Variants in NUP210L observed in about 807,000 individuals in gnomAD.
NUP210L encodes the protein nuclear pore membrane glycoprotein 210-like.
NUP210L carries 74 observed loss-of-function variants against 208.5 expected under a neutral mutation model. The ratio of observed to expected loss-of-function variants is 0.35; its 90% CI spans 0.29 to 0.43. The LOEUF (loss-of-function observed/expected upper bound fraction) is 0.43. NUP210L is among the 20% of genes least tolerant of loss of function. NUP210L has a pLI of 1.00. For missense variants in NUP210L, 1,843 were observed against 2,289.4 expected, an observed-to-expected ratio of 0.81 and a Z score of 3.98; for synonymous variants, 780 against 816.9, an observed-to-expected ratio of 0.95 and a Z score of 0.77.
chr1:154,074,486 C>A, intron 16 of NUP210L, among the ~76,000 whole-genome samples: 1 of 146,236 alleles, frequency 6.8e-6, no homozygotes, highest in South Asian at 2.2e-4. Context: ...TATGGGATCA[C>A]GATTTTTTTT....
intron 12 of NUP210L, among the ~76,000 whole-genome samples, chr1:154,114,875 T>A (rs992546457): frequency 6.6e-5 from 10 of 151,758 alleles, no homozygotes; most frequent in Admixed American, 2.0e-4. Context: ...TGGGATTACA[T>A]GTGTAAGCCA....
chr1:153,999,508 C>T (rs1041286905), intron 37 of NUP210L, among the ~76,000 whole-genome samples: 16 of 152,178 alleles, frequency 1.1e-4, no homozygotes, highest in African/African-American at 3.9e-4. Context: ...GAGGCCAAGG[C>T]GGGTGGATCA....
At chr1:154,123,281 G>A (rs764277510) in intron 10 of NUP210L, among the ~76,000 whole-genome samples, 1 of 152,034 alleles carries the variant, frequency 6.6e-6, no homozygotes, top group Non-Finnish European at 1.5e-5. Context: ...GAGTATCCGG[G>A]ATTATAGGCA....
intron 13 of NUP210L, among the ~76,000 whole-genome samples, chr1:154,101,947 C>T (rs1571273963): frequency 6.6e-6 from 1 of 152,144 alleles, no homozygotes; most frequent in Middle Eastern, 3.4e-3. Flanking sequence ...GTCAGGAGTT[C>T]CACACCAGCC....
At chr1:154,062,567 C>CTTTTTTTTTTTTTTTTTTTTTTT (rs34499821) in intron 17 of NUP210L, among the ~76,000 whole-genome samples, 19 of 74,976 alleles carry the variant, frequency 2.5e-4, no homozygotes, top group African/African-American at 3.3e-4. Context: ...TTTCTTTTTC[C>CTTTTTTTTTTTTTTTTTTTTTTT]TTTTTTTTTT....
chr1:154,147,153 AC>A (rs1659158897), intron 2 of NUP210L, among the ~76,000 whole-genome samples: 1 of 152,170 alleles, frequency 6.6e-6, no homozygotes, highest in African/African-American at 2.4e-5. Context: ...GACAGATACC[AC>A]CACCTTAACC....
chr1:154,107,047 A>T (rs1479693479), intron 12 of NUP210L, among the ~76,000 whole-genome samples: 2 of 152,246 alleles, frequency 1.3e-5, no homozygotes, highest in Non-Finnish European at 2.9e-5. Context: ...TCCTGGAGTG[A>T]CAGAGCTATA....
At chr1:154,061,903 G>A (rs575206615) in intron 17 of NUP210L, among the ~76,000 whole-genome samples, 3 of 151,990 alleles carry the variant, frequency 2.0e-5, no homozygotes, top group South Asian at 2.1e-4. Flanking sequence ...ATGTGATCTC[G>A]GCTTACCACA....
exon 14 of NUP210L, chr1:154,100,127 T>A: frequency 6.2e-7 from 1 of 1,614,096 alleles, no homozygotes; most frequent in Non-Finnish European, 8.5e-7. Flanking sequence ...AATGCATTGG[T>A]CCAGGTCTTT....
At chr1:154,069,379 TG>T (rs767879392) in intron 17 of NUP210L, among the ~76,000 whole-genome samples, 1 of 152,034 alleles carries the variant, frequency 6.6e-6, no homozygotes, top group African/African-American at 2.4e-5. Flanking sequence ...CATCAAAAAG[TG>T]GGCAAAGGAT....
At chr1:154,085,212 T>G (rs1267240211) in intron 16 of NUP210L, among the ~76,000 whole-genome samples, 1 of 149,714 alleles carries the variant, frequency 6.7e-6, no homozygotes. Flanking sequence ...TAGCCAGGCT[T>G]GGTAGTGGGC....
exon 25 of NUP210L, chr1:154,054,325 C>T (rs1218270896): frequency 6.2e-7 from 1 of 1,614,222 alleles, no homozygotes; most frequent in Non-Finnish European, 8.5e-7. Flanking sequence ...AACTTGCCCC[C>T]TCCTATTAAC....
chr1:154,115,827 A>ATGGGGC (rs1307223125), intron 12 of NUP210L, among the ~76,000 whole-genome samples: 12 of 152,174 alleles, frequency 7.9e-5, no homozygotes, highest in Middle Eastern at 6.8e-3. Context: ...TATATTAAAA[A>ATGGGGC]TGGGGCTGGG....
chr1:154,004,074 TG>T (rs201598540), intron 35 of NUP210L, among the ~76,000 whole-genome samples: 1,625 of 148,498 alleles, frequency 0.011, 77 homozygotes, highest in African/African-American at 0.034. Context: ...GCCTGTTTTT[TG>T]TTTTTTTTTT....
intron 37 of NUP210L, among the ~76,000 whole-genome samples, chr1:153,997,911 TG>T (rs757586483): frequency 6.6e-6 from 1 of 151,900 alleles, no homozygotes; most frequent in Non-Finnish European, 1.5e-5. Context: ...GGTTTCACCA[TG>T]TTGGCCAGGC....
intron 37 of NUP210L, among the ~76,000 whole-genome samples, chr1:153,997,484 T>C (rs933540193): frequency 2.0e-5 from 3 of 148,372 alleles, no homozygotes; most frequent in Admixed American, 6.8e-5. Context: ...TTTTTTTTTT[T>C]CCTGAAACAG....
At chr1:154,025,097 T>A (rs1244191012) in intron 30 of NUP210L, among the ~76,000 whole-genome samples, 1 of 151,182 alleles carries the variant, frequency 6.6e-6, no homozygotes, top group Admixed American at 6.6e-5. Flanking sequence ...CCCAGCTAAT[T>A]TTTTGTATTT....
intron 31 of NUP210L, 41 bp from the exon 32 acceptor site, chr1:154,022,384 C>T (rs747800251): frequency 1.3e-6 from 2 of 1,525,124 alleles, no homozygotes; most frequent in African/African-American, 1.4e-5. Flanking sequence ...TAAAAAGAGA[C>T]AATAGTTAGA....
chr1:154,025,030 G>T (rs1045013461), intron 30 of NUP210L, among the ~76,000 whole-genome samples: 4 of 147,428 alleles, frequency 2.7e-5, no homozygotes, highest in East Asian at 2.0e-4. Flanking sequence ...CGGGGTTCAC[G>T]GCATTCTCCT....
Sources: gnomAD v4.1 joint callset for allele counts (sites outside exome capture counted in the v4.1 genomes callset) on GRCh38, gnomAD v4.1.1 for gene constraint, MANE v1.5 for transcripts, NCBI Gene and HGNC (gene_info 2026-07-23, HGNC 2026-07-21) for gene names.